Variants in PDE4D observed in about 807,000 individuals in gnomAD.
The protein encoded by PDE4D is phosphodiesterase 4D.
A neutral mutation model predicts 87.4 loss-of-function variants in PDE4D; 24 were observed. The observed-to-expected ratio is 0.27, with a 90% CI of 0.20 to 0.39. The LOEUF (loss-of-function observed/expected upper bound fraction) is 0.39, where lower values mean the gene tolerates loss of function less well. Among genes scored for constraint, PDE4D ranks in the 10% least tolerant of loss-of-function variants. PDE4D has a pLI of 1.00. For synonymous variants in PDE4D, 384 were observed against 383.2 expected, an observed-to-expected ratio of 1.00 and a Z score of -0.02; for missense variants, 714 against 1,041.0, an observed-to-expected ratio of 0.69 and a Z score of 4.32.
At chr5:60,052,385 TA>T in intron 2 of PDE4D, among the ~76,000 whole-genome samples, 1 of 152,202 alleles carries the variant, frequency 6.6e-6, no homozygotes, top group East Asian at 1.9e-4. Flanking sequence ...TGGTTCAACA[TA>T]TGCAAATCAT....
At chr5:59,390,531 G>T (rs915112179) in intron 1 of PDE4D, among the ~76,000 whole-genome samples, 2 of 152,096 alleles carry the variant, frequency 1.3e-5, no homozygotes, top group Admixed American at 6.6e-5. Context: ...GAAACAAAAG[G>T]TGTTAAAGTA....
At chr5:60,377,143 CG>C (rs1255557842) in intron 1 of PDE4D, among the ~76,000 whole-genome samples, 1 of 152,198 alleles carries the variant, frequency 6.6e-6, no homozygotes, top group Non-Finnish European at 1.5e-5. Context: ...CTGTGCTTCT[CG>C]CCTATAGCAT....
At chr5:59,671,599 A>G (rs1278779749) in intron 1 of PDE4D, among the ~76,000 whole-genome samples, 2 of 152,044 alleles carry the variant, frequency 1.3e-5, no homozygotes, top group East Asian at 1.9e-4. Flanking sequence ...CTTGAGCCCA[A>G]GAATTCAAGA....
At chr5:59,328,894 C>T (rs946287216) in intron 1 of PDE4D, among the ~76,000 whole-genome samples, 7 of 152,164 alleles carry the variant, frequency 4.6e-5, no homozygotes, top group Non-Finnish European at 8.8e-5. Flanking sequence ...AGCTCATAAG[C>T]CTGAGCTTTT....
chr5:60,083,609 G>T (rs951743360), intron 2 of PDE4D, among the ~76,000 whole-genome samples: 1 of 152,202 alleles, frequency 6.6e-6, no homozygotes, highest in Non-Finnish European at 1.5e-5. Context: ...AAACACCTGA[G>T]AAGTTTTTTA....
intron 1 of PDE4D, among the ~76,000 whole-genome samples, chr5:60,325,756 C>G (rs1562326269): frequency 6.6e-6 from 1 of 152,096 alleles, no homozygotes; most frequent in East Asian, 1.9e-4. Context: ...AAAACAGTTC[C>G]ATTATCAGCA....
intron 1 of PDE4D, among the ~76,000 whole-genome samples, chr5:59,753,333 G>A (rs1397016655): frequency 6.6e-6 from 1 of 152,146 alleles, no homozygotes; most frequent in Non-Finnish European, 1.5e-5. Context: ...ATAGGCCTAG[G>A]CAGAAGGAGG....
chr5:59,577,162 G>A (rs748643225), intron 1 of PDE4D, among the ~76,000 whole-genome samples: 50 of 152,156 alleles, frequency 3.3e-4, no homozygotes, highest in Non-Finnish European at 3.1e-4. Context: ...ATCAAGAGAA[G>A]AGTTGGGAAG....
At chr5:59,818,959 A>G (rs1245039115) in intron 1 of PDE4D, among the ~76,000 whole-genome samples, 1 of 152,188 alleles carries the variant, frequency 6.6e-6, no homozygotes, top group African/African-American at 2.4e-5. Flanking sequence ...TTTAAGGACC[A>G]TTAGTAATTT....
rs571235501 is a variant in PDE4D, at chr5:59,931,761, G to A, written c.272+56727C>T. On this transcript the variant is annotated intron_variant, in intron 3 of 16. Coordinates refer to the PDE4D transcript ENST00000502484. ...CTGTCGCCCAGGCTGGAGTGCAGTGGTGCAATCTCAGCTCACTGCAAGCTC... is the reference window on the plus strand; with the variant it reads ...CTGTCGCCCAGGCTGGAGTGCAGTGATGCAATCTCAGCTCACTGCAAGCTC... 6.1e-5 allele frequency among the ~76,000 whole-genome samples: 9 copies of A among 148,298 alleles called. No homozygotes were observed. The East Asian group carries it at 1.8e-3, about 29-fold the overall frequency.
intron 3 of PDE4D, among the ~76,000 whole-genome samples, chr5:59,973,688 C>A (rs1761020572): frequency 6.6e-6 from 1 of 152,106 alleles, no homozygotes; most frequent in Non-Finnish European, 1.5e-5. Flanking sequence ...TTAACCTTGA[C>A]ATTTCTTCTT....
chr5:59,826,895 G>A (rs562552117), intron 1 of PDE4D, among the ~76,000 whole-genome samples: 8 of 152,142 alleles, frequency 5.3e-5, no homozygotes, highest in African/African-American at 1.7e-4. Context: ...AGCTCTTCCT[G>A]ACACACTGTG....
chr5:59,979,241 A>G lies in PDE4D; in HGVS notation c.272+9247T>C, dbSNP rs1233081546. Among the ~76,000 whole-genome samples the G allele has an allele frequency of 2.0e-5, 3 of 151,958 alleles. No homozygotes were observed. In the East Asian group the frequency reaches 5.8e-4, roughly 29 times the overall value. ...TAGTAGAGGAGTAAAGAGGGAGACCACCCTTGAAATATGTGATCAAAAGCT... is the reference window on the plus strand; with the variant it reads ...TAGTAGAGGAGTAAAGAGGGAGACCGCCCTTGAAATATGTGATCAAAAGCT... On this transcript the variant is annotated intron_variant, in intron 3 of 16. Coordinates refer to the PDE4D transcript ENST00000502484.
intron 1 of PDE4D, among the ~76,000 whole-genome samples, chr5:59,539,438 T>C (rs1037777055): frequency 6.6e-6 from 1 of 152,178 alleles, no homozygotes; most frequent in African/African-American, 2.4e-5. Flanking sequence ...TCTACTTCTT[T>C]CAGTGTTGGT....
intron 5 of PDE4D, among the ~76,000 whole-genome samples, chr5:59,102,742 C>G (rs1387962056): frequency 1.3e-5 from 2 of 152,124 alleles, no homozygotes; most frequent in South Asian, 2.1e-4. Context: ...TTCTCAGGAC[C>G]CACCCCAGAA....
At chr5:59,666,534 T>C (rs964464059) in intron 1 of PDE4D, among the ~76,000 whole-genome samples, 2 of 152,218 alleles carry the variant, frequency 1.3e-5, no homozygotes, top group African/African-American at 4.8e-5. Flanking sequence ...AGCAATAAAG[T>C]GTCCCTGCCT....
chr5:59,259,662 G>C (rs1038145625), intron 1 of PDE4D, among the ~76,000 whole-genome samples: 1 of 149,884 alleles, frequency 6.7e-6, no homozygotes, highest in African/African-American at 2.4e-5. Flanking sequence ...TTGGATAACT[G>C]AGAAAAAAAA....
chr5:59,604,439 T>C (rs758328539), intron 1 of PDE4D, among the ~76,000 whole-genome samples: 1 of 152,010 alleles, frequency 6.6e-6, no homozygotes, highest in African/African-American at 2.4e-5. Context: ...AACAGCAGTG[T>C]AGAAATAGGA....
intron 6 of PDE4D, among the ~76,000 whole-genome samples, chr5:59,031,199 T>A (rs1757327144): frequency 6.6e-6 from 1 of 151,804 alleles, no homozygotes; most frequent in Non-Finnish European, 1.5e-5. Flanking sequence ...AAAATAGAAC[T>A]ACCATAAAAT....
Sources: allele counts gnomAD v4.1 joint callset (sites outside exome capture counted in the v4.1 genomes callset), GRCh38; gene constraint gnomAD v4.1.1; transcripts MANE v1.5; gene names NCBI Gene and HGNC (gene_info 2026-07-23, HGNC 2026-07-21).